The following HS3ST2 variants were observed in gnomAD, a reference collection of about 807,000 sequenced individuals.
HS3ST2 encodes the protein heparan sulfate glucosamine 3-O-sulfotransferase 2.
HS3ST2 carries 17 observed loss-of-function variants against 26.3 expected under a neutral mutation model. That is an observed-to-expected ratio of 0.65 (90% confidence interval 0.44 to 0.97). HS3ST2 has a LOEUF of 0.97. Ranked by LOEUF, HS3ST2 falls within the 50% of genes least tolerant of loss-of-function variation. HS3ST2 has a pLI of 0.00. For missense variants in HS3ST2, 402 were observed against 501.2 expected (o/e 0.80, Z 1.89); for synonymous variants, 237 against 219.2 (o/e 1.08, Z -0.72).
intron 1 of HS3ST2, among the ~76,000 whole-genome samples, chr16:22,820,203 C>G (rs1900970273): frequency 6.6e-6 from 1 of 151,950 alleles, no homozygotes; most frequent in Admixed American, 6.6e-5. Flanking sequence ...ACTCTGTCAG[C>G]CTTGCAGCAT....
intron 1 of HS3ST2, among the ~76,000 whole-genome samples, chr16:22,832,156 T>TTTTTTTTTTTTG (rs1901179795): frequency 6.7e-6 from 1 of 149,824 alleles, no homozygotes; most frequent in African/African-American, 2.5e-5. Flanking sequence ...CTGATCTTTT[T>TTTTTTTTTTTTG]TTTTTTTTTT....
chr16:22,830,985 C>T (rs1325455905), intron 1 of HS3ST2, among the ~76,000 whole-genome samples: 1 of 152,190 alleles, frequency 6.6e-6, no homozygotes, highest in African/African-American at 2.4e-5. Flanking sequence ...GAAAACCAAA[C>T]AATGCAGTTC....
At chr16:22,842,500 T>C (rs1392283903) in intron 1 of HS3ST2, among the ~76,000 whole-genome samples, 1 of 152,146 alleles carries the variant, frequency 6.6e-6, no homozygotes, top group African/African-American at 2.4e-5. Context: ...TCTTATCTAA[T>C]TGAAATTTTG....
intron 1 of HS3ST2, among the ~76,000 whole-genome samples, chr16:22,847,774 GAGAA>G (rs1192405911): frequency 6.8e-6 from 1 of 148,062 alleles, no homozygotes; most frequent in Non-Finnish European, 1.5e-5. Flanking sequence ...GGGAGAGAAA[GAGAA>G]AGAGGAAGAA....
intron 1 of HS3ST2, among the ~76,000 whole-genome samples, chr16:22,910,688 C>G (rs1902414664): frequency 2.6e-5 from 4 of 152,050 alleles, no homozygotes; most frequent in Admixed American, 2.6e-4. Context: ...AACTTTCAAC[C>G]AAAAAGGGTC....
chr16:22,856,645 C>T (rs1901599380), intron 1 of HS3ST2, among the ~76,000 whole-genome samples: 1 of 152,104 alleles, frequency 6.6e-6, no homozygotes, highest in Non-Finnish European at 1.5e-5. Context: ...TGGGAGGTCC[C>T]TCCTGGGGTA....
chr16:22,845,786 A>T (rs1047417577), intron 1 of HS3ST2, among the ~76,000 whole-genome samples: 1 of 152,222 alleles, frequency 6.6e-6, no homozygotes, highest in African/African-American at 2.4e-5. Context: ...ACTTAGTAGG[A>T]TGCTGAAGAT....
intron 1 of HS3ST2, among the ~76,000 whole-genome samples, chr16:22,819,102 CCCTT>C (rs1406985269): frequency 0.012 from 150 of 12,138 alleles, 12 homozygotes; most frequent in African/African-American, 0.016. Context: ...CTCCCTCCCT[CCCTT>C]CCTTCCTTCC....
chr16:22,848,553 G>A (rs1002543965), intron 1 of HS3ST2, among the ~76,000 whole-genome samples: 1 of 152,118 alleles, frequency 6.6e-6, no homozygotes, highest in African/African-American at 2.4e-5. Context: ...TTGCTTCTGA[G>A]TGCAGTTGTG....
At chr16:22,880,539 T>C (rs914650243) in intron 1 of HS3ST2, among the ~76,000 whole-genome samples, 1 of 152,256 alleles carries the variant, frequency 6.6e-6, no homozygotes, top group Non-Finnish European at 1.5e-5. Context: ...CTATATTTTC[T>C]GTTTTACCTA....
intron 1 of HS3ST2, among the ~76,000 whole-genome samples, chr16:22,877,573 T>C (rs1279941018): frequency 6.6e-6 from 1 of 152,214 alleles, no homozygotes; most frequent in Non-Finnish European, 1.5e-5. Flanking sequence ...CCAAGAGAGT[T>C]GTAGGACCAT....
intron 1 of HS3ST2, among the ~76,000 whole-genome samples, chr16:22,905,470 T>G (rs1653576637): frequency 6.6e-6 from 1 of 151,726 alleles, no homozygotes; most frequent in Non-Finnish European, 1.5e-5. Flanking sequence ...AGGAAGTCTG[T>G]GATGTTTCCC....
intron 1 of HS3ST2, among the ~76,000 whole-genome samples, chr16:22,824,048 G>A (rs1485094774): frequency 1.3e-5 from 2 of 152,208 alleles, no homozygotes; most frequent in Non-Finnish European, 2.9e-5. Context: ...CATCTACATA[G>A]ATTGTCACGT....
intron 1 of HS3ST2, among the ~76,000 whole-genome samples, chr16:22,877,002 A>T (rs1901928846): frequency 6.6e-6 from 1 of 152,224 alleles, no homozygotes; most frequent in Admixed American, 6.5e-5. Flanking sequence ...GGGATGAGAG[A>T]TAAAAGACTA....
intron 1 of HS3ST2, among the ~76,000 whole-genome samples, chr16:22,818,739 C>CCTTCCTT (rs1395800348): frequency 2.5e-5 from 1 of 39,726 alleles, no homozygotes; most frequent in African/African-American, 1.5e-4. Context: ...CTCCCTCCTT[C>CCTTCCTT]CCTTCCTTCC....
At chr16:22,862,871 C>G (rs1211185962) in intron 1 of HS3ST2, among the ~76,000 whole-genome samples, 1 of 152,232 alleles carries the variant, frequency 6.6e-6, no homozygotes, top group Non-Finnish European at 1.5e-5. Flanking sequence ...CTGCTTATGT[C>G]TTCAACATCC....
At chr16:22,867,216 C>T (rs1180502584) in intron 1 of HS3ST2, among the ~76,000 whole-genome samples, 1 of 152,054 alleles carries the variant, frequency 6.6e-6, no homozygotes, top group African/African-American at 2.4e-5. Flanking sequence ...ACTGGCTTGC[C>T]ATTTGGAAAC....
intron 1 of HS3ST2, among the ~76,000 whole-genome samples, chr16:22,819,132 ATTCCTTCC>A (rs1222795209): frequency 1.5e-4 from 1 of 6,478 alleles, no homozygotes; most frequent in Non-Finnish European, 2.5e-4. Context: ...TCCTTCCTTC[ATTCCTTCC>A]TTCCTTCCTT....
chr16:22,884,252 AC>A (rs1424904026), intron 1 of HS3ST2, among the ~76,000 whole-genome samples: 6 of 152,084 alleles, frequency 3.9e-5, no homozygotes, highest in African/African-American at 1.4e-4. Context: ...CCTTGTGACA[AC>A]CCTATGAATT....
Sources: allele counts gnomAD v4.1 joint callset (sites outside exome capture counted in the v4.1 genomes callset), GRCh38; gene constraint gnomAD v4.1.1; transcripts MANE v1.5; gene names NCBI Gene and HGNC (gene_info 2026-07-23, HGNC 2026-07-21).